Variants in MYOT observed in about 807,000 individuals in gnomAD.
The protein encoded by MYOT is 57 kDa cytoskeletal protein.
MYOT carries 36 observed loss-of-function variants against 58.0 expected under a neutral mutation model. The ratio of observed to expected loss-of-function variants is 0.62; its 90% CI spans 0.48 to 0.82. The LOEUF is 0.82. MYOT is among the 40% of genes least tolerant of loss of function. The pLI is 0.00. For synonymous variants in MYOT, 218 were observed against 204.6 expected, an observed-to-expected ratio of 1.07 and a Z score of -0.56; for missense variants, 505 against 592.1, an observed-to-expected ratio of 0.85 and a Z score of 1.53.
At chr5:137,876,118 C>A in intron 3 of MYOT, 115 bp downstream of exon 3, 3 of 1,122,984 alleles carry the variant, frequency 2.7e-6, no homozygotes, top group Non-Finnish European at 3.9e-6. Flanking sequence ...ATAAGATTAT[C>A]TAAAAAGAAG....
chr5:137,883,723 A>G, intron 7 of MYOT, 132 bp downstream of exon 7: 3 of 769,956 alleles, frequency 3.9e-6, no homozygotes, highest in Non-Finnish European at 6.5e-6. Flanking sequence ...TGGAATGTCC[A>G]TTTTTATCTA....
rs1279970456 is a variant in MYOT at position 137,887,624 on chromosome 5, A to T, written c.*239A>T. 4.6e-6 allele frequency: 1 copy of T among 218,732 alleles called. No individual in the cohort carries two copies. The highest frequency in any genetic ancestry group is 8.8e-6 in the Non-Finnish European group (1 of 114,076). The allele number at this position is 218,732 out of a possible 1,614,324, so 13.5% of individuals were successfully genotyped here. A position where few individuals can be genotyped will look rare whatever the true frequency, so the allele number is the denominator to read the frequency against. ...ATTTGTAACTGCAGAAGACTATCTT[A>T]AAATACAGGATTTTAACATTTAAGT... is the stretch of plus-strand genomic sequence containing the variant. On this transcript the variant is annotated 3_prime_UTR_variant, in exon 10 of 10. Coordinates refer to ENST00000239926, the MANE Select transcript of MYOT (RefSeq NM_006790.3).
intron 2 of MYOT, among the ~76,000 whole-genome samples, chr5:137,874,776 T>G (rs923974954): frequency 6.6e-6 from 1 of 152,234 alleles, no homozygotes; most frequent in Non-Finnish European, 1.5e-5. Context: ...ACTTCAGTAG[T>G]ATTGAAGAAA....
chr5:137,880,596 A>T, intron 4 of MYOT: 1 of 464,694 alleles, frequency 2.2e-6, no homozygotes. Flanking sequence ...TTCATAAATA[A>T]TACTTGTTGA....
At position 137,875,832 on chromosome 5, in the gene MYOT, TCAACAGTCCTCAGCTGGC is replaced by T; in HGVS notation, c.365_382del (p.Gln122_Gln127del). 6.2e-7 allele frequency: 1 copy of T among 1,614,050 alleles called. No individual in the cohort carries two copies. The highest frequency in any genetic ancestry group is 1.1e-5 in the South Asian group (1 of 91,078). On this transcript the variant is annotated inframe_deletion, in exon 3 of 10. Transcript: ENST00000239926. Reference sequence around the variant, plus strand: ...CTTTTCTTTTTCCTTTTTAAAGCTATCAACAGTCCTCAGCTGGCCAACCTATAAATGCAAAGCCATCCC... The same window carrying T: ...CTTTTCTTTTTCCTTTTTAAAGCTATCAACCTATAAATGCAAAGCCATCCC...
intron 1 of MYOT, among the ~76,000 whole-genome samples, chr5:137,868,340 CTTTA>C (rs1381838834): frequency 1.1e-4 from 16 of 152,082 alleles, no homozygotes; most frequent in African/African-American, 3.9e-4. Context: ...CTGAATAGTA[CTTTA>C]TTTATAAAAA....
At chr5:137,871,123 G>A in intron 2 of MYOT, 116 bp downstream of exon 2, 1 of 885,192 alleles carries the variant, frequency 1.1e-6, no homozygotes, top group Middle Eastern at 2.9e-4. Context: ...AAAAGGCAAT[G>A]TGACCTTACA....
rs777061001 is a variant in MYOT, at chr5:137,886,149, C to T, written c.1126C>T (p.Pro376Ser). ...ACTAGAATGCCAGATCTCGGCTATA[C>T]CTCCACCAAAGCTTTTCTGGAAAAG... is the stretch of plus-strand genomic sequence containing the variant. ...VKLECQISAI[P>S]PPKLFWKRNN... is the part of the protein sequence containing the mutation. The change falls in exon 8 of 10, where the codon CCT becomes TCT. Residue 376 changes from proline (P) to serine (S), a missense_variant. Pro to Ser is a moderately conservative substitution (Grantham distance 74). Coordinates refer to ENST00000239926, the MANE Select transcript of MYOT (RefSeq NM_006790.3). 1 of 1,612,218 alleles carries T rather than the reference C, an allele frequency of 6.2e-7. No individual in the cohort carries two copies. The highest frequency in any genetic ancestry group is 1.3e-5 in the African/African-American group (1 of 74,854).
At chr5:137,876,239 T>C in intron 3 of MYOT, 1 of 510,254 alleles carries the variant, frequency 2.0e-6, no homozygotes, top group Non-Finnish European at 3.5e-6. Context: ...ATGAAATTTT[T>C]CTGTTATTAA....
intron 4 of MYOT, among the ~76,000 whole-genome samples, chr5:137,878,469 C>T (rs1755304958): frequency 6.6e-6 from 1 of 151,976 alleles, no homozygotes; most frequent in Non-Finnish European, 1.5e-5. Context: ...GGATTATAGG[C>T]ATGAGCCACC....
rs1395192897 is a variant in MYOT, at chr5:137,887,202, A to G, written c.1325-11A>G. The G allele has an allele frequency of 6.2e-7, 1 of 1,614,014 alleles. No homozygotes were observed. The highest frequency in any genetic ancestry group is 1.7e-5 in the Admixed American group (1 of 60,020). On this transcript the variant is annotated splice_polypyrimidine_tract_variant and intron_variant, in intron 9 of 9. Transcript: ENST00000239926. ...GGTTTTCTGAATCAACTTTTATGTGATCTATTTCAGCACGTCCAAACCAAA... is the reference window on the plus strand; with the variant it reads ...GGTTTTCTGAATCAACTTTTATGTGGTCTATTTCAGCACGTCCAAACCAAA...
intron 4 of MYOT, among the ~76,000 whole-genome samples, chr5:137,877,866 A>AT (rs1389618675): frequency 6.6e-6 from 1 of 152,120 alleles, no homozygotes; most frequent in Non-Finnish European, 1.5e-5. Context: ...TAATGGTATT[A>AT]TTTTTTATCA....
chr5:137,878,683 C>T (rs1208951375), intron 4 of MYOT, among the ~76,000 whole-genome samples: 5 of 151,724 alleles, frequency 3.3e-5, no homozygotes, highest in Admixed American at 1.3e-4. Context: ...ATTAGCTGGG[C>T]GTGGTGGCCT....
chr5:137,879,516 C>CTTTTT (rs34327276), intron 4 of MYOT, among the ~76,000 whole-genome samples: 5 of 99,490 alleles, frequency 5.0e-5, no homozygotes, highest in Admixed American at 1.1e-4. Context: ...GATGGTTCAT[C>CTTTTT]TTTTTTTTTT....
At chr5:137,882,811 T>G (rs1178631121) in intron 6 of MYOT, 2 of 156,736 alleles carry the variant, frequency 1.3e-5, no homozygotes, top group East Asian at 3.8e-4. Flanking sequence ...AGAGGTTATA[T>G]TTTTATTATC....
intron 2 of MYOT, among the ~76,000 whole-genome samples, chr5:137,874,291 AC>A (rs1755139507): frequency 6.6e-6 from 1 of 152,038 alleles, no homozygotes; most frequent in Non-Finnish European, 1.5e-5. Context: ...ACATGGCAAA[AC>A]CCCGTCTCTA....
intron 2 of MYOT, among the ~76,000 whole-genome samples, chr5:137,873,855 T>G (rs1267532078): frequency 6.6e-6 from 1 of 152,222 alleles, no homozygotes; most frequent in Non-Finnish European, 1.5e-5. Flanking sequence ...ATACCCATGC[T>G]CTGTGTTCGT....
At chr5:137,881,785 C>A (rs187444942) in intron 5 of MYOT, among the ~76,000 whole-genome samples, 188 bp from the exon 6 acceptor site, 5 of 152,062 alleles carry the variant, frequency 3.3e-5, no homozygotes, top group Non-Finnish European at 7.4e-5. Context: ...CAACCTCCGC[C>A]TCCCGGGTTC....
intron 1 of MYOT, among the ~76,000 whole-genome samples, 198 bp from the exon 2 acceptor site, chr5:137,870,243 T>C (rs1754999762): frequency 6.9e-6 from 1 of 145,554 alleles, no homozygotes; most frequent in South Asian, 2.2e-4. Context: ...TGCCCAGGAG[T>C]TGGAGGGGCT....
Sources: allele counts gnomAD v4.1 joint callset (sites outside exome capture counted in the v4.1 genomes callset), GRCh38; gene constraint gnomAD v4.1.1; transcripts MANE v1.5; gene names NCBI Gene and HGNC (gene_info 2026-07-23, HGNC 2026-07-21).